Variants in ATXN1 observed in about 807,000 individuals in gnomAD.
ATXN1 encodes ataxin-1.
In ATXN1, 8 loss-of-function variants were observed where a neutral mutation model predicts 56.4. The observed-to-expected ratio is 0.14, with a 90% CI of 0.08 to 0.26. The LOEUF is 0.26. Ranked by LOEUF, ATXN1 falls within the 10% of genes least tolerant of loss-of-function variation. The pLI is 1.00. For missense variants in ATXN1, 987 were observed against 1,106.5 expected (o/e 0.89, Z 1.53); for synonymous variants, 514 against 494.6 (o/e 1.04, Z -0.52).
chr6:16,339,152 A>C (rs1046579959), intron 6 of ATXN1, among the ~76,000 whole-genome samples: 3 of 152,158 alleles, frequency 2.0e-5, no homozygotes, highest in African/African-American at 7.2e-5. Flanking sequence ...CACACTCACG[A>C]GCTTCACCAC....
chr6:16,348,053 ACACT>A (rs750550335), intron 6 of ATXN1, among the ~76,000 whole-genome samples: 44 of 152,176 alleles, frequency 2.9e-4, no homozygotes, highest in Non-Finnish European at 2.2e-4. Flanking sequence ...AAGAACTGTA[ACACT>A]CACCGCAAGG....
chr6:16,685,323 C>T (rs1039451418), intron 2 of ATXN1, among the ~76,000 whole-genome samples: 4 of 152,162 alleles, frequency 2.6e-5, no homozygotes, highest in Non-Finnish European at 4.4e-5. Context: ...CACGCCACCA[C>T]CTCCCCGCCC....
At chr6:16,678,414 A>T (rs1237836035) in intron 2 of ATXN1, among the ~76,000 whole-genome samples, 2 of 152,214 alleles carry the variant, frequency 1.3e-5, no homozygotes, top group Non-Finnish European at 2.9e-5. Context: ...TTTTTATTCT[A>T]TCTTATATTA....
chr6:16,707,504 A>G (rs941813476), intron 2 of ATXN1, among the ~76,000 whole-genome samples: 1 of 152,152 alleles, frequency 6.6e-6, no homozygotes, highest in African/African-American at 2.4e-5. Flanking sequence ...CTCTGTCTCA[A>G]TAACACCCCA....
intron 7 of ATXN1, among the ~76,000 whole-genome samples, chr6:16,314,521 C>T (rs1217570730): frequency 2.0e-5 from 3 of 152,130 alleles, no homozygotes; most frequent in Non-Finnish European, 4.4e-5. Flanking sequence ...AGGATGATGT[C>T]ATCTTCAACT....
chr6:16,506,106 A>G lies in ATXN1; in HGVS notation c.-299+16521T>C, dbSNP rs1333033686. Among the ~76,000 whole-genome samples the G allele has an allele frequency of 6.6e-6, 1 of 152,182 alleles. No homozygotes were observed. The highest frequency in any genetic ancestry group is 1.5e-5 in the Non-Finnish European group (1 of 68,024). The stretch of plus-strand genomic sequence containing the variant: ...GAAAATCTTGGCATCAGGGCTTACT[A>G]TAAGCTGAGTTAAACAGGAATGGAA... On this transcript the variant is annotated intron_variant, in intron 5 of 7. Transcript: ENST00000436367. The surrounding 1 kb of genome is among the most constrained non-coding windows in gnomAD (Gnocchi z 4.1).
intron 6 of ATXN1, among the ~76,000 whole-genome samples, chr6:16,483,256 A>G (rs190884400): frequency 1.2e-4 from 18 of 152,262 alleles, no homozygotes; most frequent in African/African-American, 4.3e-4. Context: ...CAGGAGTAAC[A>G]TCTGCAAGGA....
intron 3 of ATXN1, among the ~76,000 whole-genome samples, chr6:16,597,015 G>A (rs1762827255): frequency 6.6e-6 from 1 of 152,096 alleles, no homozygotes; most frequent in African/African-American, 2.4e-5. Context: ...CACCTGCAGG[G>A]CGCAGGGTGT....
At chr6:16,367,366 A>T (rs200039897) in intron 6 of ATXN1, among the ~76,000 whole-genome samples, 108 of 146,946 alleles carry the variant, frequency 7.3e-4, no homozygotes, top group African/African-American at 2.2e-3. Context: ...TCTCTCTCAC[A>T]CACACACACA....
At position 16,460,487 on chromosome 6, in the gene ATXN1, A is replaced by T. The variant is rs114161799; in HGVS notation, c.-161+25485T>A. On this transcript the variant is annotated intron_variant, in intron 6 of 7. Transcript: ENST00000436367. The stretch of plus-strand genomic sequence containing the variant: ...CACCATCTAGACTACTCATGATGTA[A>T]ATGGCATACCAGGTGCCAAAGGAAA... Among the ~76,000 whole-genome samples the T allele has an allele frequency of 2.4e-3, 359 of 152,300 alleles. 2 individuals carry two copies. Among genetic ancestry groups the T allele is most frequent in the Non-Finnish European group, 3.9e-3 (265 of 68,010 alleles).
intron 2 of ATXN1, among the ~76,000 whole-genome samples, chr6:16,747,807 G>C (rs1023720701): frequency 2.7e-5 from 4 of 148,160 alleles, no homozygotes; most frequent in Non-Finnish European, 3.0e-5. Context: ...CTGTTCTAGT[G>C]AAGGAGAGAA....
intron 6 of ATXN1, among the ~76,000 whole-genome samples, chr6:16,400,580 A>G (rs138272271): frequency 1.3e-3 from 192 of 152,374 alleles, no homozygotes; most frequent in African/African-American, 4.5e-3. Context: ...CATCTTACAC[A>G]AGAATTCCTG....
chr6:16,686,821 C>T (rs961959546), intron 2 of ATXN1, among the ~76,000 whole-genome samples: 1 of 152,136 alleles, frequency 6.6e-6, no homozygotes, highest in African/African-American at 2.4e-5. Flanking sequence ...TTACTGAGAA[C>T]CTCCTTTGTG....
intron 4 of ATXN1, among the ~76,000 whole-genome samples, chr6:16,525,553 TG>T (rs1428172921): frequency 6.7e-6 from 1 of 149,590 alleles, no homozygotes; most frequent in East Asian, 2.0e-4. Context: ...GGAGGGGAGG[TG>T]GGGATGGTTA....
At chr6:16,333,905 T>C (rs1761051303) in intron 6 of ATXN1, among the ~76,000 whole-genome samples, 1 of 152,280 alleles carries the variant, frequency 6.6e-6, no homozygotes, top group Non-Finnish European at 1.5e-5. Context: ...CCCGACATGC[T>C]TGGAGTATCT....
chr6:16,548,335 G>T (rs559136492), intron 4 of ATXN1, among the ~76,000 whole-genome samples: 1 of 152,346 alleles, frequency 6.6e-6, no homozygotes, highest in South Asian at 2.1e-4. Context: ...GTGAGCGAAT[G>T]TGAAGGCCTA....
At chr6:16,567,282 A>G in intron 4 of ATXN1, among the ~76,000 whole-genome samples, 1 of 152,220 alleles carries the variant, frequency 6.6e-6, no homozygotes, top group East Asian at 1.9e-4. Context: ...CCATCAAAAG[A>G]TACCACAAAA....
intron 6 of ATXN1, among the ~76,000 whole-genome samples, chr6:16,427,558 G>T (rs772086987): frequency 1.3e-5 from 2 of 152,136 alleles, no homozygotes; most frequent in Non-Finnish European, 2.9e-5. Context: ...AGTGGTCCTC[G>T]TTTCTGATTT....
chr6:16,368,527 ATCT>A (rs71658367), intron 6 of ATXN1, among the ~76,000 whole-genome samples: 11,129 of 152,124 alleles, frequency 0.073, 1,373 homozygotes, highest in African/African-American at 0.25. Context: ...CTTCTGTTTA[ATCT>A]TCTTTTTCTA....
Sources: allele counts gnomAD v4.1 joint callset (sites outside exome capture counted in the v4.1 genomes callset), GRCh38; gene constraint gnomAD v4.1.1; non-coding constraint Gnocchi (gnomAD v3.1); transcripts MANE v1.5; gene names NCBI Gene and HGNC (gene_info 2026-07-23, HGNC 2026-07-21).